CTNNA3: variants seen among roughly 807,000 people sequenced by gnomAD.
The protein encoded by CTNNA3 is catenin alpha-3.
CTNNA3 carries 76 observed loss-of-function variants against 95.7 expected under a neutral mutation model. The observed-to-expected ratio is 0.79, with a 90% CI of 0.66 to 0.96. The LOEUF (loss-of-function observed/expected upper bound fraction) is 0.96. Among genes scored for constraint, CTNNA3 ranks in the 40% least tolerant of loss-of-function variants. CTNNA3 has a pLI of 0.00. For synonymous variants in CTNNA3, 431 were observed against 374.4 expected, an observed-to-expected ratio of 1.15 and a Z score of -1.74; for missense variants, 1,191 against 1,089.8, an observed-to-expected ratio of 1.09 and a Z score of -1.31.
intron 15 of CTNNA3, among the ~76,000 whole-genome samples, chr10:66,033,663 T>A (rs1053992178): frequency 6.6e-6 from 1 of 152,020 alleles, no homozygotes; most frequent in East Asian, 1.9e-4. Flanking sequence ...CTTTAGCTTG[T>A]ATGTTCCCTT....
At chr10:66,589,689 T>C (rs1033261435) in intron 10 of CTNNA3, among the ~76,000 whole-genome samples, 1 of 152,180 alleles carries the variant, frequency 6.6e-6, no homozygotes, top group Non-Finnish European at 1.5e-5. Context: ...TGTTGTCATA[T>C]TAACAGAAAT....
chr10:65,967,797 A>C (rs575499781), intron 16 of CTNNA3, among the ~76,000 whole-genome samples: 1 of 152,332 alleles, frequency 6.6e-6, no homozygotes, highest in South Asian at 2.1e-4. Flanking sequence ...TAAATTTATA[A>C]AAATTCCTTC....
intron 11 of CTNNA3, among the ~76,000 whole-genome samples, chr10:66,429,370 A>G (rs2093274338): frequency 6.6e-6 from 1 of 152,192 alleles, no homozygotes; most frequent in African/African-American, 2.4e-5. Flanking sequence ...TCCAACCAAT[A>G]GAAAAAGAGG....
intron 13 of CTNNA3, among the ~76,000 whole-genome samples, chr10:66,122,201 A>C (rs964686562): frequency 1.3e-5 from 2 of 152,210 alleles, no homozygotes; most frequent in African/African-American, 4.8e-5. Context: ...CACTGTAACA[A>C]AAATGAAGAG....
intron 3 of CTNNA3, among the ~76,000 whole-genome samples, chr10:67,567,020 T>G (rs111405975): frequency 2.2e-3 from 195 of 89,736 alleles, no homozygotes; most frequent in South Asian, 6.5e-3. Context: ...GGGGACTGTT[T>G]TGGGGTGGGG....
chr10:67,146,125 T>G (rs1032772747), intron 7 of CTNNA3, among the ~76,000 whole-genome samples: 1 of 152,158 alleles, frequency 6.6e-6, no homozygotes, highest in Non-Finnish European at 1.5e-5. Context: ...CATCAGATAC[T>G]TTCTTGAAAT....
intron 7 of CTNNA3, among the ~76,000 whole-genome samples, chr10:67,142,198 G>A (rs969242146): frequency 6.6e-6 from 1 of 152,096 alleles, no homozygotes; most frequent in Non-Finnish European, 1.5e-5. Context: ...TATTATTGGA[G>A]AACAAAAACT....
intron 16 of CTNNA3, 118 bp from the exon 17 acceptor site, chr10:65,966,864 A>T: frequency 1.5e-6 from 1 of 678,830 alleles, no homozygotes. Flanking sequence ...TTATTTTCAT[A>T]CAGGACCAAG....
At chr10:66,726,452 A>G (rs1848784649) in intron 9 of CTNNA3, among the ~76,000 whole-genome samples, 1 of 152,128 alleles carries the variant, frequency 6.6e-6, no homozygotes, top group African/African-American at 2.4e-5. Flanking sequence ...AAGTTCCTAT[A>G]ACAATTGAGA....
At chr10:66,310,807 C>T (rs1032719407) in intron 12 of CTNNA3, among the ~76,000 whole-genome samples, 4 of 151,828 alleles carry the variant, frequency 2.6e-5, no homozygotes, top group Non-Finnish European at 5.9e-5. Flanking sequence ...CCTCAGCCTC[C>T]CAAGTAGCTG....
intron 13 of CTNNA3, 51 bp downstream of exon 13, chr10:66,280,419 C>A: frequency 6.6e-7 from 1 of 1,509,152 alleles, no homozygotes; most frequent in Non-Finnish European, 9.1e-7. Context: ...CCAGGCATTC[C>A]AGATGGTGAA....
At chr10:67,526,669 C>T (rs1447810743) in intron 4 of CTNNA3, among the ~76,000 whole-genome samples, 1 of 152,084 alleles carries the variant, frequency 6.6e-6, no homozygotes, top group Non-Finnish European at 1.5e-5. Context: ...GAGCAACATA[C>T]CAGACATGTA....
intron 12 of CTNNA3, among the ~76,000 whole-genome samples, chr10:66,312,719 T>C (rs1305179914): frequency 6.6e-6 from 1 of 152,070 alleles, no homozygotes; most frequent in Non-Finnish European, 1.5e-5. Flanking sequence ...GATAATTTTC[T>C]GTATTTTAGT....
intron 12 of CTNNA3, among the ~76,000 whole-genome samples, chr10:66,377,338 A>C (rs1418134553): frequency 3.3e-5 from 5 of 152,136 alleles, no homozygotes; most frequent in African/African-American, 1.2e-4. Context: ...ACAACTAATT[A>C]GAAGAAAACA....
chr10:66,755,898 A>G (rs34889339), intron 9 of CTNNA3, among the ~76,000 whole-genome samples: 12,709 of 152,104 alleles, frequency 0.084, 767 homozygotes, highest in East Asian at 0.23. Flanking sequence ...AGTTCCCATA[A>G]GACCCAGTAA....
rs2076984363 is a variant in CTNNA3 at position 65,914,610 on chromosome 10, A to T, written c.*5720T>A. ...CCTACTACAATAATCCTTGGCCAACACTCTGCTGCAATCTATAATTTTAAA... is the reference window on the plus strand; with the variant it reads ...CCTACTACAATAATCCTTGGCCAACTCTCTGCTGCAATCTATAATTTTAAA... On this transcript the variant is annotated 3_prime_UTR_variant, in exon 18 of 18. Coordinates refer to ENST00000433211, the MANE Select transcript of CTNNA3 (RefSeq NM_013266.4). 1 of 152,110 alleles carries T rather than the reference A, an allele frequency of 6.6e-6. No individual in the cohort carries two copies. The highest frequency in any genetic ancestry group is 1.5e-5 in the Non-Finnish European group (1 of 68,014). 9.4% of individuals were successfully genotyped at this position (152,110 alleles called of 1,614,324 possible). A position where few individuals can be genotyped will look rare whatever the true frequency, so the allele number is the denominator to read the frequency against.
intron 9 of CTNNA3, among the ~76,000 whole-genome samples, chr10:66,672,882 G>T (rs1410970459): frequency 6.6e-6 from 1 of 152,010 alleles, no homozygotes; most frequent in Non-Finnish European, 1.5e-5. Flanking sequence ...CTTCTTTCAT[G>T]CAGTCTATAT....
intron 2 of CTNNA3, among the ~76,000 whole-genome samples, chr10:67,646,107 T>C (rs1839697967): frequency 6.6e-6 from 1 of 150,730 alleles, no homozygotes; most frequent in Admixed American, 6.6e-5. Flanking sequence ...ATGAGTGTTT[T>C]TATTCTTTTT....
At chr10:67,059,760 T>G (rs1236102372) in intron 7 of CTNNA3, among the ~76,000 whole-genome samples, 1 of 152,178 alleles carries the variant, frequency 6.6e-6, no homozygotes, top group Non-Finnish European at 1.5e-5. Flanking sequence ...AACTTTTCAG[T>G]TTAGCTATGT....
Sources: allele counts gnomAD v4.1 joint callset (sites outside exome capture counted in the v4.1 genomes callset), GRCh38; gene constraint gnomAD v4.1.1; transcripts MANE v1.5; gene names NCBI Gene and HGNC (gene_info 2026-07-23, HGNC 2026-07-21).